CNTLN: variants seen among roughly 807,000 people sequenced by gnomAD.
CNTLN encodes centlein, centrosomal protein.
A neutral mutation model predicts 180.0 loss-of-function variants in CNTLN; 212 were observed. The ratio of observed to expected loss-of-function variants is 1.18; its 90% CI spans 1.05 to 1.32. The LOEUF is 1.32. Ranked by LOEUF, CNTLN falls within the 40% of genes most tolerant of loss-of-function variation. The pLI is 0.00. For missense variants in CNTLN, 2,095 were observed against 1,610.9 expected (o/e 1.30, Z -5.14); for synonymous variants, 722 against 563.1 (o/e 1.28, Z -3.99).
At chr9:17,157,041 A>G (rs1819344161) in intron 2 of CNTLN, among the ~76,000 whole-genome samples, 1 of 152,222 alleles carries the variant, frequency 6.6e-6, no homozygotes, top group Non-Finnish European at 1.5e-5. Context: ...GTTAGTGATA[A>G]CACTGTCTAC....
chr9:17,468,838 A>G (rs1289029253), intron 23 of CNTLN, among the ~76,000 whole-genome samples: 1 of 151,736 alleles, frequency 6.6e-6, no homozygotes, highest in Non-Finnish European at 1.5e-5. Context: ...TCTAAACTCT[A>G]ATTATTCAAG....
intron 23 of CNTLN, among the ~76,000 whole-genome samples, chr9:17,478,704 G>A (rs1174568039): frequency 6.6e-6 from 1 of 151,772 alleles, no homozygotes; most frequent in African/African-American, 2.4e-5. Context: ...CAATTTTTTT[G>A]CCTTTGGATA....
At chr9:17,142,877 C>T (rs1334294048) in intron 1 of CNTLN, among the ~76,000 whole-genome samples, 1 of 152,090 alleles carries the variant, frequency 6.6e-6, no homozygotes, top group Non-Finnish European at 1.5e-5. Flanking sequence ...ATGATTTTAG[C>T]ATAATGGTGG....
intron 2 of CNTLN, among the ~76,000 whole-genome samples, chr9:17,182,754 C>A (rs1215819254): frequency 1.3e-5 from 2 of 152,178 alleles, no homozygotes; most frequent in African/African-American, 2.4e-5. Context: ...TTATTGTTCT[C>A]CATTCTTCTT....
chr9:17,142,466 A>G (rs1483505279), intron 1 of CNTLN, among the ~76,000 whole-genome samples: 1 of 152,112 alleles, frequency 6.6e-6, no homozygotes, highest in Non-Finnish European at 1.5e-5. Flanking sequence ...TTTTTTTTGA[A>G]CAAGTTAAAT....
intron 12 of CNTLN, among the ~76,000 whole-genome samples, chr9:17,355,338 T>G (rs1822749551): frequency 6.6e-6 from 1 of 152,208 alleles, no homozygotes; most frequent in Non-Finnish European, 1.5e-5. Flanking sequence ...GTTCTTTACA[T>G]ATTCTAGATG....
chr9:17,266,331 C>T (rs1382294095), intron 5 of CNTLN, among the ~76,000 whole-genome samples: 1 of 152,048 alleles, frequency 6.6e-6, no homozygotes, highest in Non-Finnish European at 1.5e-5. Context: ...GTTGAGTTTC[C>T]ATGTAGTTGA....
chr9:17,414,822 GC>G, intron 16 of CNTLN, among the ~76,000 whole-genome samples: 1 of 152,304 alleles, frequency 6.6e-6, no homozygotes, highest in Non-Finnish European at 1.5e-5. Flanking sequence ...AGGCACTGTG[GC>G]TCACGCCCAT....
In CNTLN at chr9:17,187,402, TGA is replaced by T. The variant is rs1479330371; in HGVS notation, c.450-38797_450-38796del. 1.1e-4 allele frequency among the ~76,000 whole-genome samples: 16 copies of T among 152,124 alleles called. 1 individual carries two copies. Among genetic ancestry groups the T allele is most frequent in the Admixed American group, 9.8e-4 (15 of 15,286 alleles). On this transcript the variant is annotated intron_variant, in intron 2 of 25. Coordinates refer to ENST00000380647, the MANE Select transcript of CNTLN (RefSeq NM_017738.4). ...TTTCATGTTTTTAAGGTTGAGAAAA[TGA>T]GAGTGTCAGAGGAGGGTTTAATTTT...
In CNTLN at chr9:17,415,798, A is replaced by C. The variant is rs762469371; in HGVS notation, c.2807A>C (p.His936Pro). The change falls in exon 17 of 26, where the codon CAT (histidine) becomes CCT (proline). Residue 936 changes from histidine (H) to proline (P), a missense_variant. His to Pro is a moderately conservative substitution (Grantham distance 77). Transcript: ENST00000380647. ...IDGKTPKDYF[H>P]DKNAKKPTFQ... Reference sequence around the variant, plus strand: ...AATCTTCAAATTTAGGACTATTTTCATGATAAGAATGCCAAAAAACCAACT... The same window carrying C: ...AATCTTCAAATTTAGGACTATTTTCCTGATAAGAATGCCAAAAAACCAACT... 2 of 1,600,728 alleles carry C rather than the reference A, an allele frequency of 1.2e-6. No homozygotes were observed. Among genetic ancestry groups the C allele is most frequent in the Non-Finnish European group, 1.7e-6 (2 of 1,169,160 alleles).
chr9:17,424,785 C>T (rs1202125571), intron 18 of CNTLN, among the ~76,000 whole-genome samples: 1 of 152,142 alleles, frequency 6.6e-6, no homozygotes, highest in Non-Finnish European at 1.5e-5. Context: ...CCTGAGCTGA[C>T]TGGCACACTC....
intron 18 of CNTLN, among the ~76,000 whole-genome samples, chr9:17,424,681 A>T (rs982844570): frequency 8.5e-5 from 13 of 152,152 alleles, no homozygotes; most frequent in Non-Finnish European, 2.9e-5. Context: ...CTAAATTCTT[A>T]TGTTGATTAG....
At chr9:17,301,874 TTAACA>T in intron 7 of CNTLN, 1 of 955,840 alleles carries the variant, frequency 1.0e-6, no homozygotes, top group Non-Finnish European at 1.2e-6. Flanking sequence ...AAAATGCATC[TTAACA>T]TATTTGTTAG....
chr9:17,416,328 TA>T (rs748596288), intron 18 of CNTLN, 139 bp downstream of exon 18: 2 of 587,834 alleles, frequency 3.4e-6, no homozygotes, highest in Non-Finnish European at 5.6e-6. Flanking sequence ...TTTACTAGTG[TA>T]ATTAGTTTAA....
intron 12 of CNTLN, among the ~76,000 whole-genome samples, chr9:17,350,445 T>TAG: frequency 6.6e-6 from 1 of 152,240 alleles, no homozygotes; most frequent in East Asian, 1.9e-4. Flanking sequence ...CAGGTCCTCA[T>TAG]AGCTTAGCAG....
chr9:17,516,541 G>C, the CNTLN span, among the ~76,000 whole-genome samples: 1 of 152,152 alleles, frequency 6.6e-6, no homozygotes. Flanking sequence ...GACAAAGGGG[G>C]AGTCTGACTT....
chr9:17,522,478 A>G, the CNTLN span, among the ~76,000 whole-genome samples: 1 of 152,158 alleles, frequency 6.6e-6, no homozygotes, highest in Non-Finnish European at 1.5e-5. Flanking sequence ...CACACCAAAT[A>G]TGAAATCCCA....
chr9:17,231,380 T>C (rs1007706876), intron 3 of CNTLN, among the ~76,000 whole-genome samples: 2 of 152,128 alleles, frequency 1.3e-5, no homozygotes, highest in African/African-American at 4.8e-5. Flanking sequence ...AGAAAAACTT[T>C]CCTAGGGTGC....
intron 5 of CNTLN, among the ~76,000 whole-genome samples, chr9:17,242,282 C>T (rs895989670): frequency 6.6e-6 from 1 of 150,968 alleles, no homozygotes; most frequent in African/African-American, 2.4e-5. Flanking sequence ...GCTTTTTCAC[C>T]ATCAATTGAA....
Sources: gnomAD v4.1 joint callset for allele counts (sites outside exome capture counted in the v4.1 genomes callset) on GRCh38, gnomAD v4.1.1 for gene constraint, MANE v1.5 for transcripts, NCBI Gene and HGNC (gene_info 2026-07-23, HGNC 2026-07-21) for gene names.